Variants in CAPS2 observed in about 807,000 individuals in gnomAD.
The protein encoded by CAPS2 is calcyphosine 2.
In CAPS2, 98 loss-of-function variants were observed where a neutral mutation model predicts 86.5. The observed-to-expected ratio is 1.13, with a 90% CI of 0.96 to 1.34. The LOEUF is 1.34. Among genes scored for constraint, CAPS2 ranks in the 40% most tolerant of loss-of-function variants. The pLI is 0.00. For missense variants in CAPS2, 729 were observed against 686.8 expected (o/e 1.06, Z -0.69); for synonymous variants, 210 against 225.1 (o/e 0.93, Z 0.60).
chr12:75,356,793 T>G (rs1382534350), intron 1 of CAPS2, among the ~76,000 whole-genome samples: 1 of 152,200 alleles, frequency 6.6e-6, no homozygotes, highest in Admixed American at 6.5e-5. Context: ...TTATGCTGCC[T>G]ATGAAAAACT....
At chr12:75,289,413 T>G (rs1046896162) in intron 14 of CAPS2, among the ~76,000 whole-genome samples, 3 of 152,218 alleles carry the variant, frequency 2.0e-5, no homozygotes, top group Non-Finnish European at 2.9e-5. Flanking sequence ...CTTAGCACAA[T>G]GCCTGGTTAT....
chr12:75,291,798 C>A, exon 13 of CAPS2: 1 of 1,553,714 alleles, frequency 6.4e-7, no homozygotes, highest in African/African-American at 1.4e-5. Flanking sequence ...ATTATATCAT[C>A]CTCCTGTTCC....
chr12:75,326,532 G>T, upstream of CAPS2: 1 of 1,264,802 alleles, frequency 7.9e-7, no homozygotes, highest in Non-Finnish European at 1.1e-6. Context: ...AGTATACTTT[G>T]AAAAAGGTAG....
chr12:75,278,824 T>C (rs1238206325), exon 17 of CAPS2: 12 of 1,366,584 alleles, frequency 8.8e-6, no homozygotes, highest in Non-Finnish European at 1.1e-5. Flanking sequence ...TGTTTGATCA[T>C]CCTTTACATT....
chr12:75,341,991 C>T (rs752722894), intron 1 of CAPS2, among the ~76,000 whole-genome samples: 4 of 152,168 alleles, frequency 2.6e-5, no homozygotes, highest in Non-Finnish European at 5.9e-5. Flanking sequence ...GATCCACCCG[C>T]CTTGGCCTCC....
At chr12:75,305,905 C>G (rs1332230048) in intron 7 of CAPS2, 32 of 884,170 alleles carry the variant, frequency 3.6e-5, no homozygotes, top group Admixed American at 1.6e-4. Context: ...GCTGTCCAAC[C>G]TCCACACCAT....
intron 1 of CAPS2, among the ~76,000 whole-genome samples, chr12:75,359,680 C>T (rs1357754214): frequency 6.6e-6 from 1 of 152,008 alleles, no homozygotes; most frequent in Non-Finnish European, 1.5e-5. Context: ...TAGACTCACA[C>T]ATTGTTGACC....
At chr12:75,308,818 T>TAA (rs111949847) in intron 7 of CAPS2, among the ~76,000 whole-genome samples, 7 of 144,624 alleles carry the variant, frequency 4.8e-5, no homozygotes, top group African/African-American at 1.8e-4. Flanking sequence ...AAAAGTGAGA[T>TAA]TAAAAAAAAT....
In CAPS2 at chr12:75,351,055, C is replaced by T. The variant is rs142188717; in HGVS notation, c.-394-27833G>A. ...ACACAAGAACTTCACAATGCAATCA[C>T]AAGTATCAATATCCAAACAGACCAA... On this transcript the variant is annotated intron_variant, in intron 1 of 5. Transcript: ENST00000551829. Among the ~76,000 whole-genome samples, 1,282 of 152,236 alleles carry T rather than the reference C, an allele frequency of 8.4e-3. 13 individuals are homozygous for T. Among genetic ancestry groups the T allele is most frequent in the African/African-American group, 0.029 (1,186 of 41,538 alleles).
rs1392246925 is a variant in CAPS2 at position 75,336,775 on chromosome 12, T to G, written c.-394-13553A>C. On this transcript the variant is annotated intron_variant, in intron 1 of 5. Transcript: ENST00000551829. ...AAAAAAGATTTGAACATCAAACAAT[T>G]TTACCTAATTGACATTAAACAATTT... Among the ~76,000 whole-genome samples the G allele has an allele frequency of 1.3e-5, 2 of 151,826 alleles. 1 individual carries two copies. The highest frequency in any genetic ancestry group is 3.0e-5 in the Non-Finnish European group (2 of 67,744).
intron 1 of CAPS2, among the ~76,000 whole-genome samples, chr12:75,367,659 T>C (rs1235865004): frequency 6.6e-6 from 1 of 152,162 alleles, no homozygotes; most frequent in Non-Finnish European, 1.5e-5. Context: ...ATTAGTCTAT[T>C]AACACTTTTA....
chr12:75,348,703 G>A (rs1443165938), intron 1 of CAPS2, among the ~76,000 whole-genome samples: 3 of 152,104 alleles, frequency 2.0e-5, no homozygotes, highest in Non-Finnish European at 4.4e-5. Context: ...GATTTCTTAT[G>A]GGTCTTGTGA....
chr12:75,331,052 G>A (rs1454330647), upstream of CAPS2, among the ~76,000 whole-genome samples: 1 of 152,114 alleles, frequency 6.6e-6, no homozygotes, highest in African/African-American at 2.4e-5. Context: ...CCAGAGTGCT[G>A]TGATTTACAG....
chr12:75,313,951 G>T (rs993721039), intron 6 of CAPS2, among the ~76,000 whole-genome samples: 1 of 152,072 alleles, frequency 6.6e-6, no homozygotes, highest in South Asian at 2.1e-4. Context: ...ACAGGCTCTT[G>T]CTATGTTGCC....
intron 15 of CAPS2, among the ~76,000 whole-genome samples, chr12:75,283,729 G>A (rs1351492271): frequency 2.6e-5 from 4 of 152,030 alleles, no homozygotes; most frequent in South Asian, 2.1e-4. Flanking sequence ...CAGGAGAATC[G>A]CTTGAACCCA....
chr12:75,285,181 T>G (rs970029722), intron 14 of CAPS2, 101 bp from the exon 15 acceptor site: 2 of 1,062,782 alleles, frequency 1.9e-6, no homozygotes, highest in South Asian at 4.3e-5. Context: ...GTCCTAGATA[T>G]AACTCATTTA....
intron 7 of CAPS2, among the ~76,000 whole-genome samples, chr12:75,311,733 A>AAAAAAAAAAAAAAAAAAAAAC (rs2039238814): frequency 8.5e-6 from 1 of 117,356 alleles, no homozygotes; most frequent in African/African-American, 3.0e-5. Flanking sequence ...ACAAAAAAAA[A>AAAAAAAAAAAAAAAAAAAAAC]AAAAAAAACC....
intron 11 of CAPS2, among the ~76,000 whole-genome samples, chr12:75,296,591 G>A (rs775993088): frequency 1.3e-5 from 2 of 152,112 alleles, no homozygotes; most frequent in African/African-American, 2.4e-5. Context: ...CGCACCCAGC[G>A]TGGTCTCACT....
upstream of CAPS2, among the ~76,000 whole-genome samples, chr12:75,330,352 G>A (rs2041195529): frequency 6.6e-6 from 1 of 152,238 alleles, no homozygotes. Context: ...CCCCGGCGAG[G>A]AGCCGGAGCG....
Sources: gnomAD v4.1 joint callset for allele counts (sites outside exome capture counted in the v4.1 genomes callset) on GRCh38, gnomAD v4.1.1 for gene constraint, MANE v1.5 for transcripts, NCBI Gene and HGNC (gene_info 2026-07-23, HGNC 2026-07-21) for gene names.